The following CDH13 variants were observed in gnomAD, a reference collection of about 807,000 sequenced individuals.
CDH13 encodes cadherin 13.
A neutral mutation model predicts 63.8 loss-of-function variants in CDH13; 24 were observed. The observed-to-expected ratio is 0.38, with a 90% CI of 0.27 to 0.53. The LOEUF (loss-of-function observed/expected upper bound fraction) is 0.53. Among genes scored for constraint, CDH13 ranks in the 20% least tolerant of loss-of-function variants. The probability of loss-of-function intolerance (pLI) is 0.85; values close to 1 mark genes in which losing one functional copy is unlikely to be tolerated. For synonymous variants in CDH13, 503 were observed against 355.3 expected (o/e 1.42, Z -4.67); for missense variants, 1,049 against 903.1 (o/e 1.16, Z -2.07).
At chr16:82,736,481 G>A (rs2033679204) in intron 1 of CDH13, among the ~76,000 whole-genome samples, 1 of 152,102 alleles carries the variant, frequency 6.6e-6, no homozygotes, top group African/African-American at 2.4e-5. Flanking sequence ...TTGCTGTGGT[G>A]AGCTAATGGT....
intron 3 of CDH13, among the ~76,000 whole-genome samples, chr16:83,064,652 T>A (rs1171038540): frequency 6.6e-6 from 1 of 152,210 alleles, no homozygotes; most frequent in Non-Finnish European, 1.5e-5. Context: ...TTAGCTCACT[T>A]TCCAATTCAG....
chr16:82,957,972 C>A (rs1323654751), intron 2 of CDH13, among the ~76,000 whole-genome samples: 1 of 152,208 alleles, frequency 6.6e-6, no homozygotes, highest in Admixed American at 6.5e-5. Context: ...GACGCCTCTT[C>A]ACTTTCTTCT....
At chr16:83,526,787 G>A (rs1475281773) in intron 7 of CDH13, among the ~76,000 whole-genome samples, 1 of 152,204 alleles carries the variant, frequency 6.6e-6, no homozygotes, top group African/African-American at 2.4e-5. Context: ...TTTGGGAACA[G>A]TGAAACTGCT....
rs1336654999 is a variant in CDH13, at chr16:83,458,068, C to T, written c.782-28409C>T. Among the ~76,000 whole-genome samples, 5 of 152,104 alleles carry T rather than the reference C, an allele frequency of 3.3e-5. No homozygotes were observed. In the East Asian group the frequency reaches 9.6e-4, roughly 29 times the overall value. ...AAGTGCACCAGAGGTAGGAACTCAC[C>T]CACTGTCGCCATTACAGACAGAACG... On this transcript the variant is annotated intron_variant, in intron 6 of 13. Coordinates refer to ENST00000567109, the MANE Select transcript of CDH13 (RefSeq NM_001257.5).
chr16:82,646,665 AC>A (rs1910131977), intron 1 of CDH13, among the ~76,000 whole-genome samples: 1 of 151,962 alleles, frequency 6.6e-6, no homozygotes, highest in Admixed American at 6.5e-5. Context: ...TTTCATTCAA[AC>A]CTATGAGGTG....
intron 2 of CDH13, among the ~76,000 whole-genome samples, chr16:82,907,723 G>A (rs1597188154): frequency 6.6e-6 from 1 of 152,196 alleles, no homozygotes; most frequent in South Asian, 2.1e-4. Flanking sequence ...TCAAGTGTGT[G>A]AGGAAGGAGT....
At chr16:83,130,060 T>G (rs1484996954) in intron 4 of CDH13, among the ~76,000 whole-genome samples, 1 of 152,198 alleles carries the variant, frequency 6.6e-6, no homozygotes, top group Non-Finnish European at 1.5e-5. Flanking sequence ...TCAGCATCTG[T>G]TTTTATAAGG....
intron 4 of CDH13, among the ~76,000 whole-genome samples, chr16:83,203,672 A>AC (rs1288506527): frequency 6.6e-6 from 1 of 151,132 alleles, no homozygotes; most frequent in Non-Finnish European, 1.5e-5. Context: ...AAAAAAAAAA[A>AC]AAAAAAAAAG....
At chr16:83,630,911 G>A (rs1362095499) in intron 8 of CDH13, among the ~76,000 whole-genome samples, 58 of 152,120 alleles carry the variant, frequency 3.8e-4, no homozygotes, top group Admixed American at 3.8e-3. Context: ...CTTTAGCTTA[G>A]TAATTGGGGG....
At chr16:82,776,890 A>G (rs2035524825) in intron 1 of CDH13, among the ~76,000 whole-genome samples, 1 of 152,218 alleles carries the variant, frequency 6.6e-6, no homozygotes, top group Non-Finnish European at 1.5e-5. Context: ...GGTGGAAGCT[A>G]GACATTCAGA....
chr16:82,651,773 C>T (rs917888311), intron 1 of CDH13, among the ~76,000 whole-genome samples: 3 of 152,226 alleles, frequency 2.0e-5, no homozygotes, highest in Non-Finnish European at 4.4e-5. Flanking sequence ...TTTCTTACAG[C>T]AGTGCCTTCA....
intron 5 of CDH13, among the ~76,000 whole-genome samples, chr16:83,339,773 C>T (rs928567450): frequency 2.0e-5 from 3 of 152,174 alleles, no homozygotes; most frequent in South Asian, 2.1e-4. Flanking sequence ...GATCTCCCTC[C>T]CATGATCAGC....
At chr16:82,778,444 C>A (rs1249114375) in intron 1 of CDH13, among the ~76,000 whole-genome samples, 3 of 151,860 alleles carry the variant, frequency 2.0e-5, no homozygotes, top group African/African-American at 7.3e-5. Flanking sequence ...ACTTTCTATA[C>A]AAATAAGTGT....
intron 6 of CDH13, 113 bp downstream of exon 6, chr16:83,345,119 C>A: frequency 1.6e-6 from 2 of 1,244,254 alleles, no homozygotes; most frequent in Non-Finnish European, 2.2e-6. Context: ...CTCGTATCAG[C>A]GTCGACTTAA....
intron 3 of CDH13, among the ~76,000 whole-genome samples, chr16:83,081,127 C>G (rs2033224629): frequency 6.6e-6 from 1 of 151,866 alleles, no homozygotes; most frequent in Admixed American, 6.6e-5. Context: ...GTGATCTGCC[C>G]ACCTCAGCCT....
chr16:82,777,580 T>A (rs2035556095), intron 1 of CDH13, among the ~76,000 whole-genome samples: 1 of 152,226 alleles, frequency 6.6e-6, no homozygotes, highest in Admixed American at 6.5e-5. Flanking sequence ...TAATCTATGG[T>A]TATACAACAA....
intron 6 of CDH13, among the ~76,000 whole-genome samples, chr16:83,367,081 T>C (rs928047675): frequency 5.3e-5 from 8 of 152,224 alleles, no homozygotes; most frequent in Non-Finnish European, 2.9e-5. Flanking sequence ...GAACATTTAA[T>C]GACTCCCAAA....
chr16:82,954,720 A>G (rs1239795960), intron 2 of CDH13: 4 of 150,774 alleles, frequency 2.7e-5, no homozygotes, highest in South Asian at 4.3e-4. Flanking sequence ...CGTCGCCACA[A>G]TGAACTTTAG....
At chr16:83,482,153 A>C (rs1351366815) in intron 6 of CDH13, among the ~76,000 whole-genome samples, 2 of 152,194 alleles carry the variant, frequency 1.3e-5, no homozygotes, top group Non-Finnish European at 2.9e-5. Context: ...TTGGAAGACA[A>C]GGTACTGGTG....
Sources: gnomAD v4.1 joint callset for allele counts (sites outside exome capture counted in the v4.1 genomes callset) on GRCh38, gnomAD v4.1.1 for gene constraint, MANE v1.5 for transcripts, NCBI Gene and HGNC (gene_info 2026-07-23, HGNC 2026-07-21) for gene names.